The following SUPT20H variants were observed in gnomAD, a reference collection of about 807,000 sequenced individuals.
The protein encoded by SUPT20H is transcription factor SPT20 homolog.
A neutral mutation model predicts 122.8 loss-of-function variants in SUPT20H; 82 were observed. The observed-to-expected ratio is 0.67, with a 90% CI of 0.56 to 0.80. The LOEUF is 0.80. Ranked by LOEUF, SUPT20H falls within the 30% of genes least tolerant of loss-of-function variation. The pLI, the probability that SUPT20H is intolerant of heterozygous loss-of-function variation, is 0.00. For missense variants in SUPT20H, 831 were observed against 921.6 expected (o/e 0.90, Z 1.27); for synonymous variants, 291 against 313.0 (o/e 0.93, Z 0.74).
chr13:37,053,610 C>G (rs973541771), intron 1 of SUPT20H, among the ~76,000 whole-genome samples: 1 of 151,610 alleles, frequency 6.6e-6, no homozygotes, highest in East Asian at 1.9e-4. Flanking sequence ...TTGATAGGTA[C>G]AGCAAACCAC....
chr13:37,015,722 T>C (rs1593871105), intron 23 of SUPT20H, among the ~76,000 whole-genome samples: 1 of 152,230 alleles, frequency 6.6e-6, no homozygotes, highest in South Asian at 2.1e-4. Flanking sequence ...AAGAGATAAT[T>C]GTACACTCAC....
At chr13:37,045,553 CTT>C (rs2066270754) in intron 5 of SUPT20H, among the ~76,000 whole-genome samples, 180 bp from the exon 6 acceptor site, 1 of 152,108 alleles carries the variant, frequency 6.6e-6, no homozygotes, top group Non-Finnish European at 1.5e-5. Flanking sequence ...GCTATGTAAA[CTT>C]AATTTTTATT....
intron 17 of SUPT20H, 26 bp from the exon 18 acceptor site, chr13:37,024,468 C>T (rs1175998859): frequency 6.9e-7 from 1 of 1,450,970 alleles, no homozygotes; most frequent in African/African-American, 1.4e-5. Flanking sequence ...ATTAAGCTTA[C>T]TTGTTAAAAT....
chr13:37,057,782 T>C (rs1005284629), intron 1 of SUPT20H, among the ~76,000 whole-genome samples: 2 of 152,102 alleles, frequency 1.3e-5, no homozygotes, highest in African/African-American at 4.8e-5. Flanking sequence ...GAGACCAGCC[T>C]GGACAACATG....
chr13:37,031,752 G>A lies in SUPT20H; in HGVS notation c.851C>T (p.Ser284Phe), dbSNP rs764947062. 6.3e-7 allele frequency: 1 copy of A among 1,591,430 alleles called. No individual in the cohort carries two copies. Among genetic ancestry groups the A allele is most frequent in the Non-Finnish European group, 8.5e-7 (1 of 1,173,462 alleles). Residue 284 changes from serine (S) to phenylalanine (F), a missense_variant, in exon 11 of 26, where the codon TCT becomes TTT. Coordinates refer to ENST00000350612, the MANE Select transcript of SUPT20H (RefSeq NM_001014286.3). ...KAGQHYDLKI[S>F]KAGNCVDMWK... ...ATATATACTTACATTTCCTGCCTTAGAAATTTTGAGGTCATAATGCTGACC... is the reference window on the plus strand; with the variant it reads ...ATATATACTTACATTTCCTGCCTTAAAAATTTTGAGGTCATAATGCTGACC...
intron 21 of SUPT20H, 97 bp from the exon 22 acceptor site, chr13:37,019,494 A>AC: frequency 1.3e-6 from 1 of 763,868 alleles, no homozygotes; most frequent in Non-Finnish European, 2.0e-6. Context: ...AATTTTATGT[A>AC]TTCTCTGCAT....
chr13:37,046,431 T>G (rs1019685367), intron 5 of SUPT20H, among the ~76,000 whole-genome samples: 3 of 152,196 alleles, frequency 2.0e-5, no homozygotes, highest in Admixed American at 6.5e-5. Context: ...TTTTCTTTCT[T>G]AATGGGCCAG....
At chr13:37,047,720 G>A (rs2066767689) in intron 4 of SUPT20H, 119 bp from the exon 5 acceptor site, 1 of 1,202,192 alleles carries the variant, frequency 8.3e-7, no homozygotes, top group Non-Finnish European at 1.1e-6. Context: ...CAAAAACTGG[G>A]GTGGAGCTGA....
At chr13:37,018,547 A>G (rs534564295) in intron 22 of SUPT20H, among the ~76,000 whole-genome samples, 1 of 152,318 alleles carries the variant, frequency 6.6e-6, no homozygotes, top group East Asian at 1.9e-4. Context: ...TATGTTACAT[A>G]TCCAGATCTT....
intron 15 of SUPT20H, 22 bp downstream of exon 15, chr13:37,026,768 A>G: frequency 7.6e-7 from 1 of 1,322,172 alleles, no homozygotes. Flanking sequence ...TAACAGATTA[A>G]AATAGTTTAT....
intron 1 of SUPT20H, among the ~76,000 whole-genome samples, chr13:37,058,687 C>T (rs2069818518): frequency 6.6e-6 from 1 of 152,116 alleles, no homozygotes; most frequent in Non-Finnish European, 1.5e-5. Flanking sequence ...ACTGACTTTC[C>T]TAACATCACA....
intron 1 of SUPT20H, chr13:37,059,221 A>G (rs2070052918): frequency 6.6e-6 from 1 of 152,212 alleles, no homozygotes; most frequent in African/African-American, 2.4e-5. Flanking sequence ...TCCACAGAGG[A>G]GCGACAAGCC....
chr13:37,033,546 C>T lies in SUPT20H; in HGVS notation c.610G>A (p.Ala204Thr), dbSNP rs2063786365. The change falls in exon 10 of 26, where the codon GCT (alanine) becomes ACT (threonine). Residue 204 changes from alanine to threonine, a missense_variant. Physicochemically the swap from Ala to Thr is moderately conservative, Grantham distance 58. Transcript: ENST00000350612. ...LLESQLILAT[A>T]EPLCLDPSIA... ...GAAGGATCAAGACAGAGTGGTTCAG[C>T]TGTAGCTAGGATGAGCTGGCTCTCA... is the stretch of plus-strand genomic sequence containing the variant. 1 of 1,613,338 alleles carries T rather than the reference C, an allele frequency of 6.2e-7. No homozygotes were observed. The highest frequency in any genetic ancestry group is 1.3e-5 in the African/African-American group (1 of 74,916).
intron 9 of SUPT20H, chr13:37,038,648 T>C (rs1388877411): frequency 6.6e-6 from 1 of 152,230 alleles, no homozygotes; most frequent in African/African-American, 2.4e-5. Flanking sequence ...CTCACTATAG[T>C]CAGGCAACTG....
rs551987607 is a variant in SUPT20H at position 37,051,237 on chromosome 13, G to C, written c.3+251C>G. 5.9e-5 allele frequency among the ~76,000 whole-genome samples: 9 copies of C among 152,200 alleles called. No individual in the cohort carries two copies. In the South Asian group the frequency reaches 1.7e-3, roughly 28 times the overall value. On this transcript the variant is annotated intron_variant, in intron 2 of 25. Transcript: ENST00000350612. ...TTTGGAATATGGCAAAGTAGATATA[G>C]GTAAATATTTTTAATACTTCATAAA...
At chr13:37,040,508 T>C in intron 8 of SUPT20H, 50 bp from the exon 9 acceptor site, 8 of 1,586,292 alleles carry the variant, frequency 5.0e-6, no homozygotes, top group South Asian at 1.2e-5. Flanking sequence ...CACAAACATA[T>C]GAAGAATTCG....
At chr13:37,045,532 C>T (rs369377937) in intron 5 of SUPT20H, among the ~76,000 whole-genome samples, 159 bp from the exon 6 acceptor site, 1 of 152,118 alleles carries the variant, frequency 6.6e-6, no homozygotes, top group Non-Finnish European at 1.5e-5. Flanking sequence ...ATAGCCACTA[C>T]GTATGGGACA....
chr13:37,018,750 G>A (rs886865780), intron 22 of SUPT20H, among the ~76,000 whole-genome samples: 5 of 152,078 alleles, frequency 3.3e-5, no homozygotes, highest in Admixed American at 6.5e-5. Context: ...TCGACTTCCT[G>A]GGCTCAAGTG....
At chr13:37,010,726 CAT>C (rs2059452739) in intron 24 of SUPT20H, 71 bp from the exon 25 acceptor site, 1 of 1,055,902 alleles carries the variant, frequency 9.5e-7, no homozygotes. Context: ...AAAAGGACAA[CAT>C]AGAAAATGAA....
Sources: allele counts gnomAD v4.1 joint callset (sites outside exome capture counted in the v4.1 genomes callset), GRCh38; gene constraint gnomAD v4.1.1; transcripts MANE v1.5; gene names NCBI Gene and HGNC (gene_info 2026-07-23, HGNC 2026-07-21).